EPS15: variants seen among roughly 807,000 people sequenced by gnomAD.
EPS15 encodes the protein epidermal growth factor receptor pathway substrate 15.
In EPS15, 72 loss-of-function variants were observed where a neutral mutation model predicts 113.8. The ratio of observed to expected loss-of-function variants is 0.63; its 90% confidence interval spans 0.52 to 0.77. The LOEUF (loss-of-function observed/expected upper bound fraction) is 0.77, where lower values mean the gene tolerates loss of function less well. EPS15 is among the 30% of genes least tolerant of loss of function. EPS15 has a pLI of 0.00. For missense variants in EPS15, 1,048 were observed against 1,045.8 expected (o/e 1.00, Z -0.03); for synonymous variants, 344 against 363.4 (o/e 0.95, Z 0.61).
At chr1:51,357,092 C>T (rs1333484741) in intron 24 of EPS15, among the ~76,000 whole-genome samples, 1 of 151,150 alleles carries the variant, frequency 6.6e-6, no homozygotes, top group African/African-American at 2.4e-5. Flanking sequence ...TTAAAAATGC[C>T]ACTAGGCTAG....
At chr1:51,420,678 T>C (rs1283397754) in intron 13 of EPS15, among the ~76,000 whole-genome samples, 1 of 152,136 alleles carries the variant, frequency 6.6e-6, no homozygotes, top group Admixed American at 6.6e-5. Context: ...TTGATGATGA[T>C]CTCTTAACTT....
chr1:51,357,391 A>AAAATAT (rs1491245303), intron 24 of EPS15, among the ~76,000 whole-genome samples: 10 of 65,722 alleles, frequency 1.5e-4, no homozygotes, highest in Non-Finnish European at 2.1e-4. Flanking sequence ...AAAAAAAAAA[A>AAAATAT]ATATATATAT....
At chr1:51,481,342 G>A (rs1334881260) in intron 1 of EPS15, 28 bp from the exon 2 acceptor site, 2 of 978,352 alleles carry the variant, frequency 2.0e-6, no homozygotes, top group African/African-American at 3.2e-5. Flanking sequence ...ATAAAAATTA[G>A]ATGCTATTCA....
chr1:51,379,837 G>A (rs1458915788), intron 21 of EPS15, among the ~76,000 whole-genome samples: 1 of 152,092 alleles, frequency 6.6e-6, no homozygotes, highest in Non-Finnish European at 1.5e-5. Flanking sequence ...CAAGGTGGAC[G>A]GATCACTTGA....
chr1:51,466,604 C>T (rs1654860941), intron 5 of EPS15, among the ~76,000 whole-genome samples: 1 of 150,928 alleles, frequency 6.6e-6, no homozygotes, highest in Non-Finnish European at 1.5e-5. Flanking sequence ...GCCTGGTTGA[C>T]AAGAGCGAAA....
chr1:51,411,260 C>T (rs1029467473), intron 13 of EPS15, among the ~76,000 whole-genome samples: 17 of 151,946 alleles, frequency 1.1e-4, no homozygotes, highest in African/African-American at 4.1e-4. Flanking sequence ...CCTTTAAAGC[C>T]CAGGCAGAGC....
chr1:51,450,820 A>C (rs1653486881), intron 8 of EPS15, among the ~76,000 whole-genome samples: 1 of 151,914 alleles, frequency 6.6e-6, no homozygotes. Context: ...TGGTTTAAAA[A>C]ATTATGGTAT....
intron 14 of EPS15, 49 bp from the exon 15 acceptor site, chr1:51,408,381 G>A: frequency 1.4e-6 from 2 of 1,391,704 alleles, no homozygotes; most frequent in Non-Finnish European, 2.0e-6. Flanking sequence ...AAGAAGAGAT[G>A]TCATTAAAAT....
chr1:51,394,229 C>T (rs1446556079), intron 21 of EPS15, 152 bp downstream of exon 21: 2 of 504,716 alleles, frequency 4.0e-6, no homozygotes, highest in East Asian at 3.2e-5. Context: ...AAGTGATATA[C>T]AAATGCTTAT....
At chr1:51,516,709 G>A (rs187389232) in intron 1 of EPS15, among the ~76,000 whole-genome samples, 28 of 152,228 alleles carry the variant, frequency 1.8e-4, no homozygotes, top group African/African-American at 6.5e-4. Context: ...ACAATGTCTA[G>A]TACATAATAG....
chr1:51,432,825 T>C (rs1651845202), intron 12 of EPS15, among the ~76,000 whole-genome samples: 1 of 152,180 alleles, frequency 6.6e-6, no homozygotes, highest in Admixed American at 6.5e-5. Flanking sequence ...CTCCTTACTA[T>C]CAAAGAAATG....
intron 12 of EPS15, among the ~76,000 whole-genome samples, chr1:51,434,039 G>A (rs1428083494): frequency 6.6e-6 from 1 of 152,150 alleles, no homozygotes; most frequent in Middle Eastern, 3.2e-3. Context: ...TTAAGTGTCT[G>A]GGAACTCCTG....
At chr1:51,519,148 G>A (rs1293111882) in intron 1 of EPS15, 51 bp downstream of exon 1, 3 of 1,336,996 alleles carry the variant, frequency 2.2e-6, no homozygotes, top group Non-Finnish European at 3.0e-6. Context: ...GAGGGCGGTG[G>A]GGGAGGGGGC....
intron 12 of EPS15, among the ~76,000 whole-genome samples, chr1:51,427,586 G>A (rs1651337552): frequency 6.6e-6 from 1 of 152,188 alleles, no homozygotes; most frequent in African/African-American, 2.4e-5. Flanking sequence ...CCTGAAGGAG[G>A]TCAGAAAAGG....
chr1:51,450,407 A>G (rs1222302877), intron 8 of EPS15, among the ~76,000 whole-genome samples: 1 of 151,842 alleles, frequency 6.6e-6, no homozygotes, highest in Non-Finnish European at 1.5e-5. Context: ...CAATCATGGC[A>G]GAAGGCAAAG....
chr1:51,361,193 C>T lies in EPS15; in HGVS notation c.2522G>A (p.Ser841Asn), dbSNP rs1360144946. 1.9e-6 allele frequency: 3 copies of T among 1,613,798 alleles called. No homozygotes were observed. Among genetic ancestry groups the T allele is most frequent in the Non-Finnish European group, 2.5e-6 (3 of 1,179,884 alleles). Residue 841 changes from serine (S) to asparagine (N), a missense_variant, in exon 24 of 25, where the codon AGC becomes AAC. Ser to Asn is a conservative substitution (Grantham distance 46, BLOSUM62 1). Transcript: ENST00000371733. ...TTTTNKEADPSNFANFSAYPS... is the reference protein window; with the variant it reads ...TTTTNKEADPNNFANFSAYPS... ...TACAGCACTGAAGTTGGCAAAATTG[C>T]TTGGATCAGCCTCTTTATTGGTAGT...
chr1:51,486,161 T>C (rs377713647), intron 1 of EPS15, among the ~76,000 whole-genome samples: 2 of 150,686 alleles, frequency 1.3e-5, no homozygotes, highest in African/African-American at 4.9e-5. Flanking sequence ...CTCATGCCTG[T>C]AATCTCAACA....
chr1:51,484,710 A>T (rs1485438133), intron 1 of EPS15, among the ~76,000 whole-genome samples: 2 of 152,212 alleles, frequency 1.3e-5, no homozygotes, highest in Non-Finnish European at 2.9e-5. Context: ...TTAAGCAACC[A>T]TGGGCAATTA....
chr1:51,399,633 CG>C (rs1327950801), intron 19 of EPS15, among the ~76,000 whole-genome samples: 3 of 151,704 alleles, frequency 2.0e-5, no homozygotes, highest in Non-Finnish European at 4.4e-5. Flanking sequence ...TTGAGGTAGA[CG>C]GATGACTTGA....
Sources: allele counts gnomAD v4.1 joint callset (sites outside exome capture counted in the v4.1 genomes callset), GRCh38; gene constraint gnomAD v4.1.1; transcripts MANE v1.5; gene names NCBI Gene and HGNC (gene_info 2026-07-23, HGNC 2026-07-21).